REC114: variants seen among roughly 807,000 people sequenced by gnomAD.
REC114 encodes REC114 meiotic recombination protein.
Under a neutral mutation model 31.3 loss-of-function variants are expected in REC114, and 27 were observed. The ratio of observed to expected loss-of-function variants is 0.86; its 90% CI spans 0.64 to 1.19. The LOEUF is 1.19. REC114 is among the 50% of genes most tolerant of loss of function. REC114 has a pLI of 0.00. For missense variants in REC114, 344 were observed against 326.9 expected (o/e 1.05, Z -0.40); for synonymous variants, 134 against 127.7 (o/e 1.05, Z -0.33).
intron 2 of REC114, among the ~76,000 whole-genome samples, chr15:73,502,024 C>A (rs12906235): frequency 0.044 from 6,657 of 152,122 alleles, 237 homozygotes; most frequent in South Asian, 0.092. Context: ...GGCACAGTGG[C>A]TCTCGCCTGT....
chr15:73,511,000 A>G (rs1476661183), intron 2 of REC114, among the ~76,000 whole-genome samples: 1 of 152,246 alleles, frequency 6.6e-6, no homozygotes, highest in African/African-American at 2.4e-5. Context: ...ATTGATTGGA[A>G]TAGTTTCAGA....
intron 4 of REC114, among the ~76,000 whole-genome samples, chr15:73,551,959 CT>C (rs1204916130): frequency 6.6e-6 from 1 of 152,170 alleles, no homozygotes; most frequent in African/African-American, 2.4e-5. Flanking sequence ...ATGTGATTTA[CT>C]TGTTTATAAG....
At chr15:73,444,039 G>A (rs767438815) in intron 1 of REC114, among the ~76,000 whole-genome samples, 4 of 152,110 alleles carry the variant, frequency 2.6e-5, no homozygotes, top group Non-Finnish European at 2.9e-5. Flanking sequence ...ATGTCTAAAA[G>A]AACAACGTAC....
chr15:73,447,248 A>G (rs1279075615), intron 1 of REC114, among the ~76,000 whole-genome samples: 3 of 152,220 alleles, frequency 2.0e-5, no homozygotes, highest in African/African-American at 7.2e-5. Flanking sequence ...GGTTGGGTAT[A>G]TTGGTCTAGA....
At chr15:73,445,009 C>G (rs1489208212) in intron 1 of REC114, among the ~76,000 whole-genome samples, 1 of 152,140 alleles carries the variant, frequency 6.6e-6, no homozygotes, top group Non-Finnish European at 1.5e-5. Flanking sequence ...AGGAGTTGGT[C>G]TCAACAGTGG....
At chr15:73,462,078 C>T (rs970265945) in intron 1 of REC114, among the ~76,000 whole-genome samples, 17 of 151,510 alleles carry the variant, frequency 1.1e-4, no homozygotes, top group African/African-American at 4.1e-4. Context: ...ATTACAGGCA[C>T]CTACCACCAT....
At chr15:73,543,557 G>A (rs753660191) in intron 3 of REC114, among the ~76,000 whole-genome samples, 6 of 152,060 alleles carry the variant, frequency 3.9e-5, no homozygotes, top group African/African-American at 1.4e-4. Context: ...TCAAACTCCC[G>A]ACCTCAGGTG....
chr15:73,524,111 G>C (rs971912056), intron 2 of REC114, among the ~76,000 whole-genome samples: 4 of 152,134 alleles, frequency 2.6e-5, no homozygotes, highest in African/African-American at 9.7e-5. Context: ...TAACATGTCT[G>C]AACAGGATCT....
intron 1 of REC114, among the ~76,000 whole-genome samples, chr15:73,467,659 G>A (rs767933194): frequency 4.4e-4 from 67 of 152,080 alleles, no homozygotes; most frequent in South Asian, 4.2e-4. Context: ...TAGTCTCTTT[G>A]GACTCTTGCA....
chr15:73,459,992 A>G (rs1283565977), intron 1 of REC114, among the ~76,000 whole-genome samples: 1 of 152,188 alleles, frequency 6.6e-6, no homozygotes, highest in African/African-American at 2.4e-5. Context: ...TAATTGAATT[A>G]TGTCATGTAC....
intron 1 of REC114, among the ~76,000 whole-genome samples, chr15:73,455,398 A>G (rs951643371): frequency 2.7e-4 from 41 of 151,936 alleles, no homozygotes; most frequent in African/African-American, 9.9e-4. Flanking sequence ...GAGTTCTTTG[A>G]TTTTTTCTGA....
chr15:73,555,898 A>T (rs1220488251), intron 4 of REC114, among the ~76,000 whole-genome samples: 1 of 152,214 alleles, frequency 6.6e-6, no homozygotes, highest in African/African-American at 2.4e-5. Context: ...TAATTTTTAG[A>T]GTGTGACAAA....
chr15:73,485,571 T>C lies in REC114; in HGVS notation c.249+11650T>C, dbSNP rs79647512. On this transcript the variant is annotated intron_variant, in intron 2 of 5. Coordinates refer to ENST00000331090, the MANE Select transcript of REC114 (RefSeq NM_001042367.2). ...CCTCTTGGTACTGTCCTTGAGATAT[T>C]GAGTGAGTTCTCGTGAGATCTGGTT... 1.1e-3 allele frequency among the ~76,000 whole-genome samples: 162 copies of C among 152,238 alleles called. 1 individual carries two copies. Among genetic ancestry groups the C allele is most frequent in the African/African-American group, 3.8e-3 (156 of 41,536 alleles).
chr15:73,485,418 C>T (rs1341866246), intron 2 of REC114, among the ~76,000 whole-genome samples: 1 of 152,264 alleles, frequency 6.6e-6, no homozygotes, highest in East Asian at 1.9e-4. Context: ...TCTTTGGCCA[C>T]TGATATGGTT....
intron 2 of REC114, among the ~76,000 whole-genome samples, chr15:73,475,138 T>C (rs1265001566): frequency 2.0e-5 from 3 of 152,180 alleles, no homozygotes; most frequent in Admixed American, 2.0e-4. Flanking sequence ...CAGTTTGGCT[T>C]CCTCGGGCAT....
chr15:73,526,879 T>C (rs1421274153), intron 2 of REC114, among the ~76,000 whole-genome samples: 1 of 152,244 alleles, frequency 6.6e-6, no homozygotes, highest in Non-Finnish European at 1.5e-5. Flanking sequence ...GTTAAGTTAC[T>C]AATAATCAGT....
intron 4 of REC114, among the ~76,000 whole-genome samples, chr15:73,551,554 A>G (rs1198776485): frequency 6.6e-6 from 1 of 152,232 alleles, no homozygotes; most frequent in Non-Finnish European, 1.5e-5. Context: ...CAGATCAGGC[A>G]GTGGCACCAA....
intron 2 of REC114, among the ~76,000 whole-genome samples, chr15:73,507,773 C>A (rs1457188693): frequency 2.0e-5 from 3 of 152,046 alleles, no homozygotes; most frequent in Admixed American, 2.0e-4. Context: ...AGAGCTCACA[C>A]AAATTAAAAG....
chr15:73,457,342 A>G (rs1567849454), intron 1 of REC114, among the ~76,000 whole-genome samples: 1 of 151,840 alleles, frequency 6.6e-6, no homozygotes, highest in African/African-American at 2.4e-5. Context: ...TTCCTTACGC[A>G]TATATATATG....
Sources: gnomAD v4.1 joint callset for allele counts (sites outside exome capture counted in the v4.1 genomes callset) on GRCh38, gnomAD v4.1.1 for gene constraint, MANE v1.5 for transcripts, NCBI Gene and HGNC (gene_info 2026-07-23, HGNC 2026-07-21) for gene names.